TRPM3: variants seen among roughly 807,000 people sequenced by gnomAD.
TRPM3 encodes the protein long transient receptor potential channel 3.
In TRPM3, 77 loss-of-function variants were observed where a neutral mutation model predicts 181.2. That is an observed-to-expected ratio of 0.42 (90% CI 0.35 to 0.51). The LOEUF (loss-of-function observed/expected upper bound fraction) is 0.51. Among genes scored for constraint, TRPM3 ranks in the 20% least tolerant of loss-of-function variants. TRPM3 has a pLI of 0.01. For synonymous variants in TRPM3, 745 were observed against 796.4 expected (o/e 0.94, Z 1.09); for missense variants, 1,759 against 2,196.7 (o/e 0.80, Z 3.98).
chr9:70,921,974 C>CACACACAT (rs1168237101), intron 1 of TRPM3, among the ~76,000 whole-genome samples: 2 of 150,430 alleles, frequency 1.3e-5, no homozygotes, highest in African/African-American at 4.9e-5. Flanking sequence ...CACACACACA[C>CACACACAT]ATATAGTTAT....
chr9:70,900,979 A>T (rs1370285176), intron 1 of TRPM3, among the ~76,000 whole-genome samples: 2 of 152,236 alleles, frequency 1.3e-5, no homozygotes, highest in Non-Finnish European at 2.9e-5. Flanking sequence ...GGGATGTAGA[A>T]GGCAACTTTT....
At chr9:70,549,765 T>C (rs1283140958) in intron 24 of TRPM3, 91 bp from the exon 25 acceptor site, 4 of 1,370,450 alleles carry the variant, frequency 2.9e-6, no homozygotes, top group Non-Finnish European at 3.9e-6. Flanking sequence ...TCAGTATAAA[T>C]CTAGGTGGGA....
intron 1 of TRPM3, among the ~76,000 whole-genome samples, chr9:71,442,598 T>C (rs558903109): frequency 6.6e-6 from 1 of 152,288 alleles, no homozygotes; most frequent in South Asian, 2.1e-4. Context: ...TAAGTAAAGA[T>C]AAATGTGTGG....
intron 1 of TRPM3, among the ~76,000 whole-genome samples, chr9:71,237,971 A>G (rs1014206382): frequency 1.3e-5 from 2 of 152,118 alleles, no homozygotes; most frequent in African/African-American, 2.4e-5. Flanking sequence ...TCTTAATACT[A>G]TTGCATTGGC....
At chr9:70,645,608 A>G (rs1471955087) in intron 9 of TRPM3, among the ~76,000 whole-genome samples, 2 of 152,132 alleles carry the variant, frequency 1.3e-5, no homozygotes, top group Non-Finnish European at 2.9e-5. Context: ...TAAAAACCCT[A>G]GAAGAAAACC....
chr9:71,138,778 G>C (rs10868958), intron 1 of TRPM3, among the ~76,000 whole-genome samples: 48,558 of 151,954 alleles, frequency 0.32, 8,901 homozygotes, highest in Middle Eastern at 0.47. Flanking sequence ...AACTTTTTCT[G>C]TAACTGGCTC....
intron 12 of TRPM3, among the ~76,000 whole-genome samples, chr9:70,632,292 G>A (rs1486874326): frequency 6.6e-6 from 1 of 152,160 alleles, no homozygotes; most frequent in Non-Finnish European, 1.5e-5. Flanking sequence ...ACCTGAGAAA[G>A]TTGTGCACCA....
chr9:70,794,279 G>A (rs1404747487), intron 6 of TRPM3, among the ~76,000 whole-genome samples: 1 of 152,070 alleles, frequency 6.6e-6, no homozygotes, highest in Non-Finnish European at 1.5e-5. Flanking sequence ...TCACCTGTGT[G>A]GTTTATCAAG....
At chr9:71,392,563 T>C (rs1370433187) in intron 1 of TRPM3, among the ~76,000 whole-genome samples, 1 of 152,132 alleles carries the variant, frequency 6.6e-6, no homozygotes, top group Admixed American at 6.6e-5. Flanking sequence ...TTTCTCCTTG[T>C]GTCTACATCC....
chr9:70,841,009 A>C (rs548161142), intron 5 of TRPM3, among the ~76,000 whole-genome samples: 1 of 152,296 alleles, frequency 6.6e-6, no homozygotes, highest in East Asian at 1.9e-4. Flanking sequence ...CTTTTGAATC[A>C]ACACATTTTA....
intron 1 of TRPM3, among the ~76,000 whole-genome samples, chr9:71,206,686 C>T (rs902051585): frequency 6.6e-6 from 1 of 151,968 alleles, no homozygotes; most frequent in Admixed American, 6.6e-5. Flanking sequence ...ATGGTATTGC[C>T]TAGGTTTTCT....
intron 3 of TRPM3, among the ~76,000 whole-genome samples, chr9:70,857,449 T>C (rs560148013): frequency 6.6e-6 from 1 of 152,292 alleles, no homozygotes; most frequent in Admixed American, 6.5e-5. Context: ...CGAAGACCCC[T>C]TCCTGCTCAC....
intron 1 of TRPM3, among the ~76,000 whole-genome samples, chr9:70,890,981 G>A (rs908468227): frequency 1.3e-5 from 2 of 151,918 alleles, no homozygotes; most frequent in Non-Finnish European, 2.9e-5. Context: ...GTTCAGCAAT[G>A]GGACACAGGA....
chr9:71,276,745 A>C (rs970682807), intron 1 of TRPM3, among the ~76,000 whole-genome samples: 4 of 152,228 alleles, frequency 2.6e-5, no homozygotes, highest in African/African-American at 9.6e-5. Context: ...GAAATCACGT[A>C]GGAAAGTTGA....
At chr9:70,855,186 A>G (rs767088245) in intron 3 of TRPM3, among the ~76,000 whole-genome samples, 30 of 152,212 alleles carry the variant, frequency 2.0e-4, no homozygotes, top group Non-Finnish European at 3.8e-4. Context: ...TTCGCTCTGC[A>G]CTGATTTGGC....
At chr9:70,862,105 A>G (rs1313808378) in intron 3 of TRPM3, among the ~76,000 whole-genome samples, 1 of 152,070 alleles carries the variant, frequency 6.6e-6, no homozygotes, top group Admixed American at 6.6e-5. Flanking sequence ...TCCAGACTCA[A>G]AAAACTCCAT....
chr9:70,614,839 T>C (rs1393130350), intron 18 of TRPM3, among the ~76,000 whole-genome samples: 1 of 152,236 alleles, frequency 6.6e-6, no homozygotes, highest in Non-Finnish European at 1.5e-5. Context: ...TTTCTTCTAA[T>C]GATCAAACTA....
chr9:70,945,530 A>G (rs2096924478), intron 1 of TRPM3, among the ~76,000 whole-genome samples: 1 of 152,134 alleles, frequency 6.6e-6, no homozygotes, highest in South Asian at 2.1e-4. Context: ...ACTAGTGGGT[A>G]ATGTGAAATC....
At chr9:71,136,076 G>A (rs962419269) in intron 1 of TRPM3, among the ~76,000 whole-genome samples, 1 of 152,098 alleles carries the variant, frequency 6.6e-6, no homozygotes, top group African/African-American at 2.4e-5. Context: ...GTAGCACTAC[G>A]CCAGGTACTG....
Sources: gnomAD v4.1 joint callset for allele counts (sites outside exome capture counted in the v4.1 genomes callset) on GRCh38, gnomAD v4.1.1 for gene constraint, MANE v1.5 for transcripts, NCBI Gene and HGNC (gene_info 2026-07-23, HGNC 2026-07-21) for gene names.